Variants in FGFRL1 observed in about 807,000 individuals in gnomAD.
FGFRL1 encodes the protein fibroblast growth factor receptor-like 1.
A neutral mutation model predicts 36.8 loss-of-function variants in FGFRL1; 24 were observed. The observed-to-expected ratio is 0.65, with a 90% CI of 0.47 to 0.92. The LOEUF (loss-of-function observed/expected upper bound fraction) is 0.92. FGFRL1 is among the 40% of genes least tolerant of loss of function. The pLI is 0.00. For missense variants in FGFRL1, 785 were observed against 753.4 expected, an observed-to-expected ratio of 1.04 and a Z score of -0.49; for synonymous variants, 422 against 344.1, an observed-to-expected ratio of 1.23 and a Z score of -2.50.
rs373839707 is a variant in FGFRL1, at chr4:1,024,300, C to T, written c.719-11C>T. 40 of 1,580,072 alleles carry T rather than the reference C, an allele frequency of 2.5e-5. No individual in the cohort carries two copies. The highest frequency in any genetic ancestry group is 5.1e-5 in the Admixed American group (3 of 58,586). The stretch of plus-strand genomic sequence containing the variant: ...GCCCAGGAGCCATGCCCGCGTGCCA[C>T]GTTCCCACAGAGCGGACCCGTTCCA... On this transcript the variant is annotated splice_polypyrimidine_tract_variant and intron_variant, in intron 5 of 6. Coordinates refer to ENST00000510644, the MANE Select transcript of FGFRL1 (RefSeq NM_001004356.3).
rs528978581 is a variant in FGFRL1 at position 1,015,224 on chromosome 4, A to G, written c.79+2660A>G. 7.9e-5 allele frequency among the ~76,000 whole-genome samples: 12 copies of G among 152,284 alleles called. 1 individual carries two copies. In the South Asian group the frequency reaches 2.3e-3, roughly 29 times the overall value. Reference sequence around the variant, plus strand: ...CCTTTGCCCCATCAGGGCCTCCGCCAGTGACTCCAGGCCTGGTGTGTCCAG... The same window carrying G: ...CCTTTGCCCCATCAGGGCCTCCGCCGGTGACTCCAGGCCTGGTGTGTCCAG... On this transcript the variant is annotated intron_variant, in intron 2 of 6. Coordinates refer to ENST00000510644, the MANE Select transcript of FGFRL1 (RefSeq NM_001004356.3).
chr4:1,010,609 G>A (rs1299752333), upstream of FGFRL1, among the ~76,000 whole-genome samples: 1 of 152,180 alleles, frequency 6.6e-6, no homozygotes, highest in Non-Finnish European at 1.5e-5. Flanking sequence ...GAGGTGCTGG[G>A]ATGGTGACTC....
At chr4:1,017,852 C>G (rs898772884) in intron 2 of FGFRL1, among the ~76,000 whole-genome samples, 3 of 152,180 alleles carry the variant, frequency 2.0e-5, no homozygotes, top group Non-Finnish European at 4.4e-5. Flanking sequence ...CAGCCCCAGC[C>G]CTGCATCCTC....
chr4:1,023,232 C>T lies in FGFRL1; in HGVS notation c.353-409C>T, dbSNP rs952044690. 2.0e-5 allele frequency among the ~76,000 whole-genome samples: 3 copies of T among 152,048 alleles called. No individual in the cohort carries two copies. The highest frequency in any genetic ancestry group is 7.2e-5 in the African/African-American group (3 of 41,402). On this transcript the variant is annotated intron_variant, in intron 3 of 6. Transcript: ENST00000510644. This position sits in a 1 kb window ranked among gnomAD's most constrained non-coding sequence, Gnocchi z 6.0. ...GTGTGGAATGGGAAAACTGGCTGTC[C>T]CCCACCCCCACCCCACAGTCCTTTC...
At chr4:1,017,900 C>G (rs1192984220) in intron 2 of FGFRL1, among the ~76,000 whole-genome samples, 1 of 152,224 alleles carries the variant, frequency 6.6e-6, no homozygotes, top group Non-Finnish European at 1.5e-5. Flanking sequence ...CCACACCGTT[C>G]TCCCTACGAA....
At position 1,025,802 on chromosome 4, in the gene FGFRL1, C is replaced by T. The variant is rs1716492600; in HGVS notation, c.*455C>T. 2 of 218,342 alleles carry T rather than the reference C, an allele frequency of 9.2e-6. No individual in the cohort carries two copies. The highest frequency in any genetic ancestry group is 1.1e-4 in the Admixed American group (2 of 18,596). 13.5% of individuals were successfully genotyped at this position (218,342 alleles called of 1,614,324 possible). A position where few individuals can be genotyped will look rare whatever the true frequency, so the allele number is the denominator to read the frequency against. On this transcript the variant is annotated 3_prime_UTR_variant, in exon 7 of 7. Transcript: ENST00000510644. ...TATGGTATCCGGACACACACGTGCA[C>T]AGATATGCTGCCTGGACACACAGAT...
intron 2 of FGFRL1, among the ~76,000 whole-genome samples, chr4:1,013,588 G>A (rs374938405): frequency 3.9e-5 from 6 of 152,248 alleles, no homozygotes; most frequent in African/African-American, 9.6e-5. Context: ...CTGAGGGCCC[G>A]GCAGCGTCCT....
At chr4:1,015,251 T>C (rs1448774793) in intron 2 of FGFRL1, among the ~76,000 whole-genome samples, 1 of 152,152 alleles carries the variant, frequency 6.6e-6, no homozygotes, top group Non-Finnish European at 1.5e-5. Context: ...TGTGTCCAGG[T>C]GACAGCCTCA....
At chr4:1,018,881 G>A (rs549135112) in intron 2 of FGFRL1, among the ~76,000 whole-genome samples, 4 of 152,274 alleles carry the variant, frequency 2.6e-5, no homozygotes, top group East Asian at 1.9e-4. Context: ...CAGGGGGTCC[G>A]GGGAGCCCAG....
intron 6 of FGFRL1, 73 bp downstream of exon 6, chr4:1,024,737 C>G (rs986535375): frequency 6.8e-7 from 1 of 1,469,200 alleles, no homozygotes; most frequent in East Asian, 2.3e-5. Context: ...GTCCCACCCA[C>G]CGGGTGGGGC....
At chr4:1,015,003 C>T (rs1715814820) in intron 2 of FGFRL1, among the ~76,000 whole-genome samples, 1 of 152,218 alleles carries the variant, frequency 6.6e-6, no homozygotes, top group African/African-American at 2.4e-5. Context: ...CGCGCTGCGG[C>T]CCTGTCAGGG....
intron 2 of FGFRL1, among the ~76,000 whole-genome samples, chr4:1,013,999 A>T (rs923184823): frequency 3.9e-5 from 6 of 152,192 alleles, no homozygotes; most frequent in African/African-American, 1.4e-4. Flanking sequence ...GTTTGGGTGG[A>T]GGTGGGGAGG....
At chr4:1,012,190 A>T in intron 1 of FGFRL1, 2 of 248,196 alleles carry the variant, frequency 8.1e-6, no homozygotes, top group Non-Finnish European at 1.5e-5. Context: ...CGGGGCGCTG[A>T]GTGTTGTGTG....
chr4:1,023,501 G>C lies in FGFRL1; in HGVS notation c.353-140G>C. The C allele has an allele frequency of 1.3e-6, 1 of 767,566 alleles. No homozygotes were observed. 47.5% of individuals were successfully genotyped at this position (767,566 alleles called of 1,614,324 possible). On this transcript the variant is annotated intron_variant, in intron 3 of 6. Transcript: ENST00000510644. The surrounding 1 kb of genome is among the most constrained non-coding windows in gnomAD (Gnocchi z 6.0). Reference sequence around the variant, plus strand: ...GCTGTCCCTGGGATTCTGGGCTGTGGGTGTGTGGCGCAGCCCCCTGCCTGG... The same window carrying C: ...GCTGTCCCTGGGATTCTGGGCTGTGCGTGTGTGGCGCAGCCCCCTGCCTGG...
Position 1,016,991 on chromosome 4 carries a change from T to G in FGFRL1, c.79+4427T>G, listed in dbSNP as rs1487621367. Among the ~76,000 whole-genome samples the G allele has an allele frequency of 3.9e-5, 6 of 152,220 alleles. No individual in the cohort carries two copies. In the East Asian group the frequency reaches 1.2e-3, roughly 29 times the overall value. ...TCTGTGATGGGGGCACTGTGTCTCT[T>G]CTCGGTAACCGGGTGGGGGGACCAC... is the stretch of plus-strand genomic sequence containing the variant. On this transcript the variant is annotated intron_variant, in intron 2 of 6. Transcript: ENST00000510644.
chr4:1,024,146 C>CG (rs1175001222), intron 5 of FGFRL1, 45 bp downstream of exon 5: 42 of 426,620 alleles, frequency 9.8e-5, no homozygotes, highest in African/African-American at 8.9e-4. Flanking sequence ...TGCTGGTGGG[C>CG]GGGGGCGCTG....
At chr4:1,010,887 T>C (rs1000284494), upstream of FGFRL1, 5 of 152,222 alleles carry the variant, frequency 3.3e-5, no homozygotes, top group African/African-American at 1.2e-4. Flanking sequence ...TTGACGTCTA[T>C]TACGATGATT....
At chr4:1,019,525 G>A (rs1263604622) in intron 2 of FGFRL1, among the ~76,000 whole-genome samples, 1 of 152,202 alleles carries the variant, frequency 6.6e-6, no homozygotes, top group Non-Finnish European at 1.5e-5. Flanking sequence ...GGGTCAACCT[G>A]GGGTGCGTCT....
intron 1 of FGFRL1, 123 bp from the exon 2 acceptor site, chr4:1,012,347 G>C: frequency 8.8e-7 from 1 of 1,130,004 alleles, no homozygotes; most frequent in Non-Finnish European, 1.2e-6. Context: ...TCCTCCGCCT[G>C]GAGCGCGGGC....
Sources: allele counts gnomAD v4.1 joint callset (sites outside exome capture counted in the v4.1 genomes callset), GRCh38; gene constraint gnomAD v4.1.1; non-coding constraint Gnocchi (gnomAD v3.1); transcripts MANE v1.5; gene names NCBI Gene and HGNC (gene_info 2026-07-23, HGNC 2026-07-21).